The following NCOA3 variants were observed in gnomAD, a reference collection of about 807,000 sequenced individuals.
NCOA3 encodes nuclear receptor coactivator 3.
Under a neutral mutation model 158.8 loss-of-function variants are expected in NCOA3, and 51 were observed. The observed-to-expected ratio is 0.32, with a 90% CI of 0.26 to 0.41. NCOA3 has a LOEUF of 0.41. Ranked by LOEUF, NCOA3 falls within the 10% of genes least tolerant of loss-of-function variation. The pLI is 1.00. For synonymous variants in NCOA3, 537 were observed against 592.4 expected, an observed-to-expected ratio of 0.91 and a Z score of 1.36; for missense variants, 1,510 against 1,746.6, an observed-to-expected ratio of 0.86 and a Z score of 2.41.
intron 2 of NCOA3, among the ~76,000 whole-genome samples, chr20:47,589,765 AT>A (rs2085597202): frequency 6.6e-6 from 1 of 152,100 alleles, no homozygotes; most frequent in Non-Finnish European, 1.5e-5. Flanking sequence ...TTCACTTGGA[AT>A]ACTTATAAAT....
intron 1 of NCOA3, among the ~76,000 whole-genome samples, chr20:47,531,274 G>GGCT (rs1175242947): frequency 6.6e-6 from 1 of 152,166 alleles, no homozygotes; most frequent in African/African-American, 2.4e-5. Context: ...AGGAGGCAGA[G>GGCT]GCTGCATGCA....
intron 1 of NCOA3, among the ~76,000 whole-genome samples, chr20:47,548,364 G>A (rs139688592): frequency 0.015 from 2,233 of 151,736 alleles, 32 homozygotes; most frequent in Non-Finnish European, 0.02. Flanking sequence ...CCAACATGGC[G>A]AAACCCCGTC....
chr20:47,565,543 C>CT (rs1568686992), intron 1 of NCOA3, among the ~76,000 whole-genome samples: 7 of 152,140 alleles, frequency 4.6e-5, no homozygotes. Flanking sequence ...TGGTGAAACT[C>CT]TGTCTCTACT....
chr20:47,570,939 TACACACACACAC>T (rs71183265), intron 1 of NCOA3, among the ~76,000 whole-genome samples: 2 of 114,872 alleles, frequency 1.7e-5, no homozygotes, highest in Non-Finnish European at 3.6e-5. Context: ...GTAATATATA[TACACACACACAC>T]ACACACACAC....
rs1363888769 is a variant in NCOA3, at chr20:47,514,634, C to T, written c.-99+12615C>T. On this transcript the variant is annotated intron_variant, in intron 1 of 22. Coordinates refer to ENST00000371998, the MANE Select transcript of NCOA3 (RefSeq NM_181659.3). ...TCTCAAATTCCTGCCCTCAAGTGAT[C>T]TGGCCCACCTCGGCCTCCCAAAGTG... 2.0e-5 allele frequency among the ~76,000 whole-genome samples: 3 copies of T among 151,244 alleles called. 1 individual carries two copies. The highest frequency in any genetic ancestry group is 7.3e-5 in the African/African-American group (3 of 41,198).
At chr20:47,541,642 C>T (rs984159139) in intron 1 of NCOA3, among the ~76,000 whole-genome samples, 1 of 150,200 alleles carries the variant, frequency 6.7e-6, no homozygotes, top group Non-Finnish European at 1.5e-5. Flanking sequence ...CCTCAAGTTA[C>T]CCTCCTGCCT....
intron 4 of NCOA3, 110 bp from the exon 5 acceptor site, chr20:47,625,271 G>A: frequency 1.5e-6 from 1 of 678,480 alleles, no homozygotes; most frequent in Non-Finnish European, 2.6e-6. Flanking sequence ...TTGTATGTAT[G>A]TATGGGCATG....
At chr20:47,640,888 TAAAA>T (rs3092259) in intron 16 of NCOA3, among the ~76,000 whole-genome samples, 1 of 143,046 alleles carries the variant, frequency 7.0e-6, no homozygotes, top group East Asian at 2.0e-4. Flanking sequence ...ACTCCGTCTC[TAAAA>T]AAAAAAAAAA....
At chr20:47,580,339 C>T (rs571070364) in intron 1 of NCOA3, among the ~76,000 whole-genome samples, 2 of 151,956 alleles carry the variant, frequency 1.3e-5, no homozygotes, top group African/African-American at 4.8e-5. Context: ...CCGAGGTGGG[C>T]AGATTTCTTG....
rs199816157 is a variant in NCOA3 at position 47,622,295 on chromosome 20, A to G, written c.48A>G (p.Arg16=). 6 of 1,607,892 alleles carry G rather than the reference A, an allele frequency of 3.7e-6. No homozygotes were observed. The highest frequency in any genetic ancestry group is 1.3e-5 in the African/African-American group (1 of 74,694). The change falls in exon 3 of 23, where the codon CGA becomes CGG. Residue 16 remains arginine (R), a synonymous_variant. Coordinates refer to ENST00000371998, the MANE Select transcript of NCOA3 (RefSeq NM_181659.3). Reference sequence around the variant, plus strand: ...TGGATCCACTGGCCAGTGATTCACGAAAACGCAAATTGCCATGTGATACTC... The same window carrying G: ...TGGATCCACTGGCCAGTGATTCACGGAAACGCAAATTGCCATGTGATACTC... The part of the protein sequence containing the change: ...ENLDPLASDS[R]KRKLPCDTPG...
chr20:47,534,886 G>A (rs1240636100), intron 1 of NCOA3, among the ~76,000 whole-genome samples: 9 of 151,948 alleles, frequency 5.9e-5, no homozygotes, highest in African/African-American at 1.5e-4. Context: ...TTGCACTATA[G>A]CGTGGGTGAC....
chr20:47,534,424 C>T (rs2084600686), intron 1 of NCOA3, among the ~76,000 whole-genome samples: 2 of 152,180 alleles, frequency 1.3e-5, no homozygotes, highest in South Asian at 2.1e-4. Context: ...TAGCATTAGT[C>T]TCCCTAACTG....
intron 1 of NCOA3, among the ~76,000 whole-genome samples, chr20:47,569,292 A>G (rs2146198014): frequency 6.6e-6 from 1 of 151,988 alleles, no homozygotes; most frequent in South Asian, 2.1e-4. Flanking sequence ...TGTTGCAGTG[A>G]GCCAAGATTG....
In NCOA3 at chr20:47,544,780, T is replaced by C. The variant is rs62203123; in HGVS notation, c.-98-38403T>C. ...GTGCTCTAGCTACAATGTTGGAACATATAGTCATTATGTAGTATAAAGTGT... is the reference window on the plus strand; with the variant it reads ...GTGCTCTAGCTACAATGTTGGAACACATAGTCATTATGTAGTATAAAGTGT... On this transcript the variant is annotated intron_variant, in intron 1 of 22. Coordinates refer to ENST00000371998, the MANE Select transcript of NCOA3 (RefSeq NM_181659.3). Among the ~76,000 whole-genome samples the C allele has an allele frequency of 9.5e-3, 1,446 of 152,298 alleles. 11 individuals are homozygous for C. Among genetic ancestry groups the C allele is most frequent in the Non-Finnish European group, 0.015 (1,014 of 68,030 alleles).
At chr20:47,635,163 A>G (rs1019001481) in intron 10 of NCOA3, among the ~76,000 whole-genome samples, 159 bp from the exon 11 acceptor site, 3 of 152,130 alleles carry the variant, frequency 2.0e-5, no homozygotes, top group Admixed American at 6.6e-5. Context: ...TCCTGAGCTC[A>G]AGTGATCCTC....
intron 1 of NCOA3, among the ~76,000 whole-genome samples, chr20:47,581,631 G>A (rs1208967618): frequency 6.6e-6 from 1 of 152,084 alleles, no homozygotes; most frequent in African/African-American, 2.4e-5. Flanking sequence ...CGTAATTATG[G>A]TTGTTATCTT....
At chr20:47,509,697 TAGG>T (rs2084085607) in intron 1 of NCOA3, among the ~76,000 whole-genome samples, 1 of 148,962 alleles carries the variant, frequency 6.7e-6, no homozygotes, top group African/African-American at 2.6e-5. Flanking sequence ...TGCTTGAGCC[TAGG>T]AGTTCAAGAC....
At chr20:47,582,244 C>T (rs1277524289) in intron 1 of NCOA3, among the ~76,000 whole-genome samples, 5 of 151,918 alleles carry the variant, frequency 3.3e-5, no homozygotes, top group South Asian at 2.1e-4. Context: ...TGGAGTTTTG[C>T]TTTTGTTGCC....
Position 47,653,393 on chromosome 20 carries a change from T to C in NCOA3, c.4264-13T>C. ...ATTTTTTTTTTTTTTTTTTTTTTCCTGGTTGCTGACAGAAATACTGCTGAC... is the reference window on the plus strand; with the variant it reads ...ATTTTTTTTTTTTTTTTTTTTTTCCCGGTTGCTGACAGAAATACTGCTGAC... On this transcript the variant is annotated splice_polypyrimidine_tract_variant and intron_variant, in intron 22 of 22. Transcript: ENST00000371998. 1 of 1,527,942 alleles carries C rather than the reference T, an allele frequency of 6.5e-7. No individual in the cohort carries two copies. Among genetic ancestry groups the C allele is most frequent in the Non-Finnish European group, 8.9e-7 (1 of 1,122,412 alleles). The allele number at this position is 1,527,942 out of a possible 1,614,324, so 94.6% of individuals were successfully genotyped here.
Sources: allele counts gnomAD v4.1 joint callset (sites outside exome capture counted in the v4.1 genomes callset), GRCh38; gene constraint gnomAD v4.1.1; transcripts MANE v1.5; gene names NCBI Gene and HGNC (gene_info 2026-07-23, HGNC 2026-07-21).